PARVA: variants seen among roughly 807,000 people sequenced by gnomAD.
The protein encoded by PARVA is alpha-parvin.
Under a neutral mutation model 52.6 loss-of-function variants are expected in PARVA, and 25 were observed. The observed-to-expected ratio is 0.48, with a 90% CI of 0.35 to 0.66. The LOEUF is 0.66. Ranked by LOEUF, PARVA falls within the 30% of genes least tolerant of loss-of-function variation. PARVA has a pLI of 0.01. For missense variants in PARVA, 373 were observed against 450.9 expected (o/e 0.83, Z 1.56); for synonymous variants, 185 against 179.1 (o/e 1.03, Z -0.26).
rs117542561 is a variant in PARVA, at chr11:12,441,026, G to A, written c.137-32719G>A. 5.3e-3 allele frequency among the ~76,000 whole-genome samples: 809 copies of A among 152,288 alleles called. 4 individuals carry two copies. Among genetic ancestry groups the A allele is most frequent in the Non-Finnish European group, 9.0e-3 (612 of 68,022 alleles). ...TCACATTCACAGTCCCAGGATTGGA[G>A]CAGGAAATCTTAAGGCACAGGATTT... is the stretch of plus-strand genomic sequence containing the variant. On this transcript the variant is annotated intron_variant, in intron 1 of 12. Coordinates refer to ENST00000334956, the MANE Select transcript of PARVA (RefSeq NM_018222.5).
At chr11:12,471,391 T>C (rs1010903288) in intron 1 of PARVA, among the ~76,000 whole-genome samples, 1 of 152,212 alleles carries the variant, frequency 6.6e-6, no homozygotes, top group Non-Finnish European at 1.5e-5. Context: ...TTTTTAACTT[T>C]AAGTTCAGGG....
rs543590257 is a variant in PARVA, at chr11:12,377,595, C to A, written c.-53C>A. The A allele has an allele frequency of 6.6e-7, 1 of 1,510,456 alleles. No homozygotes were observed. The highest frequency in any genetic ancestry group is 8.8e-7 in the Non-Finnish European group (1 of 1,133,520). The allele number at this position is 1,510,456 out of a possible 1,614,324, so 93.6% of individuals were successfully genotyped here. A position where few individuals can be genotyped will look rare whatever the true frequency, so the allele number is the denominator to read the frequency against. On this transcript the variant is annotated 5_prime_UTR_variant, in exon 1 of 13. Transcript: ENST00000334956. ...CAGTCCCGCCGCCGCCCGCTGCGTC[C>A]GCCCAGCGCCAGCTCCGCGTCCCGA...
chr11:12,383,897 T>C (rs1939531213), intron 1 of PARVA, among the ~76,000 whole-genome samples: 1 of 152,194 alleles, frequency 6.6e-6, no homozygotes, highest in Admixed American at 6.5e-5. Flanking sequence ...GGGCACGCCT[T>C]GAACAATGGC....
intron 1 of PARVA, among the ~76,000 whole-genome samples, chr11:12,432,783 T>A (rs1940332673): frequency 6.6e-6 from 1 of 152,228 alleles, no homozygotes. Flanking sequence ...GCACAGTTGG[T>A]GCTGCATTGT....
At chr11:12,454,154 T>C (rs1940662493) in intron 1 of PARVA, among the ~76,000 whole-genome samples, 1 of 152,036 alleles carries the variant, frequency 6.6e-6, no homozygotes, top group Non-Finnish European at 1.5e-5. Flanking sequence ...TGCCCTTGGA[T>C]CCAGGAAGTG....
chr11:12,440,076 G>A (rs1183200151), intron 1 of PARVA, among the ~76,000 whole-genome samples: 2 of 152,178 alleles, frequency 1.3e-5, no homozygotes, highest in African/African-American at 4.8e-5. Context: ...CTGTGAGCAG[G>A]ATGGCATCTT....
chr11:12,475,334 C>T (rs1337730424), intron 3 of PARVA, among the ~76,000 whole-genome samples: 3 of 152,240 alleles, frequency 2.0e-5, no homozygotes, highest in Non-Finnish European at 4.4e-5. Context: ...AACCACTCCA[C>T]GGCTGCTATA....
intron 1 of PARVA, among the ~76,000 whole-genome samples, chr11:12,383,436 GT>G (rs1939522763): frequency 6.6e-6 from 1 of 152,162 alleles, no homozygotes; most frequent in Non-Finnish European, 1.5e-5. Flanking sequence ...ATCCCCCAGA[GT>G]TTTACATTTT....
intron 6 of PARVA, among the ~76,000 whole-genome samples, chr11:12,507,989 T>TGGATGGAC (rs1554902248): frequency 2.0e-5 from 3 of 149,756 alleles, no homozygotes; most frequent in African/African-American, 2.5e-5. Flanking sequence ...GATGGATGGA[T>TGGATGGAC]GGACGGACGG....
intron 1 of PARVA, among the ~76,000 whole-genome samples, chr11:12,402,948 C>T (rs894901435): frequency 6.6e-6 from 1 of 152,226 alleles, no homozygotes; most frequent in African/African-American, 2.4e-5. Flanking sequence ...TTTTCTGTAA[C>T]GTACTTGGCA....
At chr11:12,429,023 G>T (rs892848160) in intron 1 of PARVA, among the ~76,000 whole-genome samples, 5 of 152,098 alleles carry the variant, frequency 3.3e-5, no homozygotes, top group African/African-American at 1.2e-4. Context: ...TGTTGCCTAG[G>T]CTGGAGTGCA....
At chr11:12,493,772 C>A (rs868477654) in intron 4 of PARVA, among the ~76,000 whole-genome samples, 1 of 152,204 alleles carries the variant, frequency 6.6e-6, no homozygotes, top group South Asian at 2.1e-4. Flanking sequence ...ATACTCCTAA[C>A]ACTTCTGACA....
At chr11:12,377,336 C>G, upstream of PARVA, 1 of 1,056,522 alleles carries the variant, frequency 9.5e-7, no homozygotes, top group Non-Finnish European at 1.2e-6. Flanking sequence ...CCGGCTCGAC[C>G]GCTCCCAACC....
chr11:12,402,785 C>T (rs1043865848), intron 1 of PARVA, among the ~76,000 whole-genome samples: 10 of 152,190 alleles, frequency 6.6e-5, no homozygotes, highest in African/African-American at 1.4e-4. Context: ...CACACACATA[C>T]GTAAGAAGGA....
chr11:12,426,934 G>A (rs1200828464), intron 1 of PARVA, among the ~76,000 whole-genome samples: 1 of 152,214 alleles, frequency 6.6e-6, no homozygotes, highest in Non-Finnish European at 1.5e-5. Context: ...GGATGGGGCA[G>A]AGAAAGGGAA....
chr11:12,467,750 T>G (rs1240692098), intron 1 of PARVA, among the ~76,000 whole-genome samples: 1 of 152,250 alleles, frequency 6.6e-6, no homozygotes, highest in Non-Finnish European at 1.5e-5. Flanking sequence ...TGGGGCCCAC[T>G]GGCCCTGAAG....
chr11:12,480,831 A>C (rs1194569827), intron 4 of PARVA: 1 of 148,376 alleles, frequency 6.7e-6, no homozygotes, highest in African/African-American at 2.5e-5. Flanking sequence ...AAAAAAAAAA[A>C]TGCATCAGGA....
At chr11:12,390,239 G>A (rs1939637867) in intron 1 of PARVA, among the ~76,000 whole-genome samples, 1 of 152,226 alleles carries the variant, frequency 6.6e-6, no homozygotes, top group South Asian at 2.1e-4. Flanking sequence ...TATTCTGAAA[G>A]CATTTTCTGT....
At chr11:12,417,725 T>C (rs1940087170) in intron 1 of PARVA, among the ~76,000 whole-genome samples, 1 of 152,152 alleles carries the variant, frequency 6.6e-6, no homozygotes, top group African/African-American at 2.4e-5. Context: ...TCCCTCCCAA[T>C]GTTGGGAAGG....
Sources: gnomAD v4.1 joint callset for allele counts (sites outside exome capture counted in the v4.1 genomes callset) on GRCh38, gnomAD v4.1.1 for gene constraint, MANE v1.5 for transcripts, NCBI Gene and HGNC (gene_info 2026-07-23, HGNC 2026-07-21) for gene names.